ANO10: variants seen among roughly 807,000 people sequenced by gnomAD.
ANO10 encodes anoctamin-10.
In ANO10, 77 loss-of-function variants were observed where a neutral mutation model predicts 74.7. The observed-to-expected ratio is 1.03, with a 90% CI of 0.86 to 1.25. The LOEUF is 1.25. ANO10 is among the 50% of genes most tolerant of loss of function. The pLI is 0.00. For synonymous variants in ANO10, 279 were observed against 284.9 expected, an observed-to-expected ratio of 0.98 and a Z score of 0.21; for missense variants, 721 against 778.1, an observed-to-expected ratio of 0.93 and a Z score of 0.87.
intron 12 of ANO10, among the ~76,000 whole-genome samples, chr3:43,380,168 C>T (rs895588706): frequency 2.0e-5 from 3 of 151,950 alleles, no homozygotes; most frequent in Non-Finnish European, 4.4e-5. Context: ...ACAAAGCCTC[C>T]GAGAAGTTTG....
chr3:43,632,538 A>G (rs1446978162), intron 1 of ANO10, among the ~76,000 whole-genome samples: 1 of 152,262 alleles, frequency 6.6e-6, no homozygotes, highest in Non-Finnish European at 1.5e-5. Flanking sequence ...GTGCACCACC[A>G]TCCCTCATGG....
At chr3:43,612,085 A>C (rs2082844351) in intron 1 of ANO10, among the ~76,000 whole-genome samples, 1 of 148,788 alleles carries the variant, frequency 6.7e-6, no homozygotes, top group African/African-American at 2.5e-5. Context: ...ATCTGCAAAA[A>C]TATGCCCAAA....
At chr3:43,470,744 A>T (rs2075825471) in intron 11 of ANO10, among the ~76,000 whole-genome samples, 1 of 151,872 alleles carries the variant, frequency 6.6e-6, no homozygotes, top group South Asian at 2.1e-4. Context: ...CTCTCACCTC[A>T]GCTTCCTGAG....
At chr3:43,557,017 T>C (rs899413024) in intron 9 of ANO10, among the ~76,000 whole-genome samples, 1 of 152,078 alleles carries the variant, frequency 6.6e-6, no homozygotes, top group African/African-American at 2.4e-5. Flanking sequence ...GTAAAAGATA[T>C]AAAAATTAAC....
intron 12 of ANO10, among the ~76,000 whole-genome samples, chr3:43,427,335 C>T (rs191907694): frequency 1.3e-5 from 2 of 152,002 alleles, no homozygotes; most frequent in East Asian, 3.9e-4. Flanking sequence ...AATGTAAGTC[C>T]CTGGGCGCCA....
At chr3:43,374,154 T>G (rs1056608397) in intron 12 of ANO10, among the ~76,000 whole-genome samples, 3 of 152,224 alleles carry the variant, frequency 2.0e-5, no homozygotes, top group African/African-American at 7.2e-5. Context: ...TTCCTAGGGT[T>G]CCCTGTGCCA....
chr3:43,570,850 A>G (rs1559719394), intron 7 of ANO10, among the ~76,000 whole-genome samples: 1 of 140,132 alleles, frequency 7.1e-6, no homozygotes, highest in Non-Finnish European at 1.5e-5. Flanking sequence ...TAATTAAACT[A>G]AAGAGCTTCT....
chr3:43,510,905 C>T (rs952629937), intron 11 of ANO10, among the ~76,000 whole-genome samples: 7 of 152,090 alleles, frequency 4.6e-5, no homozygotes, highest in Admixed American at 2.0e-4. Context: ...GTTGAAAAAA[C>T]GATATTTTAA....
chr3:43,593,233 C>A (rs745849104), intron 4 of ANO10, among the ~76,000 whole-genome samples: 3 of 152,188 alleles, frequency 2.0e-5, no homozygotes, highest in Non-Finnish European at 2.9e-5. Flanking sequence ...GGCAGGCCAA[C>A]ATTCAAATAC....
At chr3:43,506,244 T>C (rs1486176023) in intron 11 of ANO10, among the ~76,000 whole-genome samples, 13 of 152,208 alleles carry the variant, frequency 8.5e-5, no homozygotes, top group Non-Finnish European at 8.8e-5. Context: ...GGGTCATCTG[T>C]GATGCCTCTC....
chr3:43,390,374 T>C (rs1318297536), intron 12 of ANO10, among the ~76,000 whole-genome samples: 1 of 152,234 alleles, frequency 6.6e-6, no homozygotes, highest in Non-Finnish European at 1.5e-5. Context: ...GATGCCTCTC[T>C]TGGCTCTCAC....
intron 11 of ANO10, among the ~76,000 whole-genome samples, chr3:43,496,611 T>C (rs1161324414): frequency 6.6e-6 from 1 of 151,972 alleles, no homozygotes; most frequent in Non-Finnish European, 1.5e-5. Flanking sequence ...TTTACATATA[T>C]ATATTTTTTG....
At chr3:43,425,293 T>A (rs2148923361) in intron 12 of ANO10, among the ~76,000 whole-genome samples, 1 of 151,080 alleles carries the variant, frequency 6.6e-6, no homozygotes, top group Admixed American at 6.6e-5. Context: ...TCTCCTAAAG[T>A]GCTAGGATTA....
chr3:43,685,855 T>G (rs1032513357), intron 1 of ANO10, among the ~76,000 whole-genome samples: 1 of 152,242 alleles, frequency 6.6e-6, no homozygotes, highest in Non-Finnish European at 1.5e-5. Flanking sequence ...TTTCTTAACA[T>G]GTTCAAAAAA....
At chr3:43,409,830 G>C (rs1230312339) in intron 12 of ANO10, among the ~76,000 whole-genome samples, 1 of 152,190 alleles carries the variant, frequency 6.6e-6, no homozygotes, top group Non-Finnish European at 1.5e-5. Context: ...ATAGTGTAAA[G>C]AAAAGGACCA....
At chr3:43,473,042 C>G (rs1386558269) in intron 11 of ANO10, among the ~76,000 whole-genome samples, 2 of 151,942 alleles carry the variant, frequency 1.3e-5, no homozygotes, top group African/African-American at 4.8e-5. Context: ...TTTAGCATTT[C>G]TGTATATTTG....
At chr3:43,518,735 C>A (rs1305521515) in intron 11 of ANO10, among the ~76,000 whole-genome samples, 1 of 152,082 alleles carries the variant, frequency 6.6e-6, no homozygotes, top group African/African-American at 2.4e-5. Flanking sequence ...TCCTGTAGTG[C>A]CCCCAGGCCT....
intron 11 of ANO10, among the ~76,000 whole-genome samples, chr3:43,512,952 A>T (rs979324187): frequency 1.3e-5 from 2 of 152,202 alleles, no homozygotes; most frequent in Non-Finnish European, 2.9e-5. Flanking sequence ...AAACGTCAGG[A>T]TGAGCACAGC....
chr3:43,524,835 T>C (rs552430665), intron 11 of ANO10, among the ~76,000 whole-genome samples: 1 of 152,224 alleles, frequency 6.6e-6, no homozygotes, highest in East Asian at 1.9e-4. Flanking sequence ...TAACACACAG[T>C]GTATCCAACA....
Sources: allele counts gnomAD v4.1 joint callset (sites outside exome capture counted in the v4.1 genomes callset), GRCh38; gene constraint gnomAD v4.1.1; transcripts MANE v1.5; gene names NCBI Gene and HGNC (gene_info 2026-07-23, HGNC 2026-07-21).